PARN: variants seen among roughly 807,000 people sequenced by gnomAD.
The protein encoded by PARN is poly(A)-specific ribonuclease PARN.
Under a neutral mutation model 102.8 loss-of-function variants are expected in PARN, and 71 were observed. That is an observed-to-expected ratio of 0.69 (90% confidence interval 0.57 to 0.84). The LOEUF (loss-of-function observed/expected upper bound fraction) is 0.84, where lower values mean the gene tolerates loss of function less well. PARN is among the 40% of genes least tolerant of loss of function. The probability of loss-of-function intolerance (pLI) is 0.00; values close to 1 mark genes in which losing one functional copy is unlikely to be tolerated. For synonymous variants in PARN, 261 were observed against 252.9 expected (o/e 1.03, Z -0.30); for missense variants, 782 against 760.9 (o/e 1.03, Z -0.33).
At chr16:14,481,927 T>C (rs114531792) in intron 22 of PARN, among the ~76,000 whole-genome samples, 1,659 of 152,288 alleles carry the variant, frequency 0.011, 31 homozygotes, top group African/African-American at 0.038. Flanking sequence ...CTTTCTACAG[T>C]AGGCACCTGG....
intron 22 of PARN, among the ~76,000 whole-genome samples, chr16:14,469,004 C>A (rs768653532): frequency 5.3e-5 from 8 of 151,412 alleles, no homozygotes; most frequent in Non-Finnish European, 8.8e-5. Context: ...AAAAAAACGA[C>A]CTAAAAAAAC....
chr16:14,612,839 T>G (rs1157678008), intron 6 of PARN, among the ~76,000 whole-genome samples: 5 of 151,926 alleles, frequency 3.3e-5, no homozygotes, highest in African/African-American at 9.7e-5. Flanking sequence ...TCAGGTCATC[T>G]GCCCATCTCA....
chr16:14,538,268 G>GAGTGC (rs1401875141), intron 21 of PARN, among the ~76,000 whole-genome samples: 1 of 149,846 alleles, frequency 6.7e-6, no homozygotes, highest in East Asian at 1.9e-4. Flanking sequence ...GTCCAGGCTG[G>GAGTGC]AGTGCAGGGG....
In PARN at chr16:14,436,747, G is replaced by A; in HGVS notation, c.1890C>T (p.Ala630=). 1 of 1,598,728 alleles carries A rather than the reference G, an allele frequency of 6.3e-7. No individual in the cohort carries two copies. Among genetic ancestry groups the A allele is most frequent in the Non-Finnish European group, 8.5e-7 (1 of 1,172,756 alleles). The change falls in exon 24 of 24, where the codon GCC becomes GCT. Residue 630 remains alanine, a synonymous_variant. Transcript: ENST00000437198. The part of the protein sequence containing the change: ...PAGSISKNSP[A]TLFEVPDTW ...ATGTGTCAGGAACTTCAAAGAGTGT[G>A]GCAGGGCTGTTCTTCGAGATGCTTC... is the stretch of plus-strand genomic sequence containing the variant.
intron 23 of PARN, among the ~76,000 whole-genome samples, chr16:14,441,714 C>A (rs778903728): frequency 1.3e-5 from 2 of 152,244 alleles, no homozygotes; most frequent in African/African-American, 4.8e-5. Flanking sequence ...TCCTTCGCCA[C>A]GTTCACTGCA....
At chr16:14,602,207 G>C (rs1281494449) in intron 11 of PARN, 1 of 152,084 alleles carries the variant, frequency 6.6e-6, no homozygotes, top group Admixed American at 6.6e-5. Flanking sequence ...CCCCTACATG[G>C]GAGCTGACAT....
At chr16:14,451,842 CTAAAAAAAAAAAAAAAAAAAAAA>C (rs1961460589) in intron 22 of PARN, among the ~76,000 whole-genome samples, 1 of 46,258 alleles carries the variant, frequency 2.2e-5, no homozygotes, top group African/African-American at 8.1e-5. Flanking sequence ...AACCCCGTCT[CTAAAAAAAAAAAAAAAAAAAAAA>C]ATACAAAAAA....
chr16:14,475,423 C>T (rs1171365240), intron 22 of PARN, among the ~76,000 whole-genome samples: 4 of 152,188 alleles, frequency 2.6e-5, no homozygotes, highest in African/African-American at 9.6e-5. Context: ...TCAGATCCCA[C>T]ACCACCAAAC....
intron 18 of PARN, among the ~76,000 whole-genome samples, chr16:14,566,376 G>T (rs1291314820): frequency 6.6e-6 from 1 of 152,144 alleles, no homozygotes; most frequent in Non-Finnish European, 1.5e-5. Context: ...GAGTGATGTG[G>T]CCCTAAGCAG....
intron 21 of PARN, among the ~76,000 whole-genome samples, chr16:14,513,038 C>T (rs1229168799): frequency 6.6e-6 from 1 of 152,080 alleles, no homozygotes; most frequent in East Asian, 1.9e-4. Context: ...GATTCTCGTA[C>T]CTCAGCCTCC....
chr16:14,624,937 C>T (rs2151819890), intron 5 of PARN, among the ~76,000 whole-genome samples: 1 of 152,126 alleles, frequency 6.6e-6, no homozygotes, highest in East Asian at 1.9e-4. Context: ...GTAATAACAG[C>T]TACTCAGGAG....
intron 21 of PARN, among the ~76,000 whole-genome samples, chr16:14,521,821 G>A (rs1361776037): frequency 1.3e-5 from 2 of 151,608 alleles, no homozygotes; most frequent in African/African-American, 4.8e-5. Context: ...AAAAATACAC[G>A]TAACCACCAC....
chr16:14,553,126 GA>G (rs1455023940), intron 20 of PARN, among the ~76,000 whole-genome samples: 2 of 149,966 alleles, frequency 1.3e-5, no homozygotes, highest in Non-Finnish European at 3.0e-5. Flanking sequence ...AAAAAGATAA[GA>G]AAAAAATAGA....
At chr16:14,571,253 G>A (rs1447063501) in intron 18 of PARN, among the ~76,000 whole-genome samples, 3 of 151,304 alleles carry the variant, frequency 2.0e-5, no homozygotes, top group Non-Finnish European at 1.5e-5. Flanking sequence ...GAGTGGTGGC[G>A]GGCACCTGTA....
At chr16:14,604,002 C>T in intron 11 of PARN, 144 bp downstream of exon 11, 1 of 691,284 alleles carries the variant, frequency 1.4e-6, no homozygotes, top group East Asian at 2.7e-5. Context: ...TTATTCTAGT[C>T]CAGGTTTTTC....
intron 21 of PARN, among the ~76,000 whole-genome samples, chr16:14,498,748 G>T (rs1964442632): frequency 6.6e-6 from 1 of 152,196 alleles, no homozygotes; most frequent in South Asian, 2.1e-4. Context: ...GTTGCCTTGG[G>T]ACGATGAAAT....
intron 22 of PARN, among the ~76,000 whole-genome samples, chr16:14,462,075 G>A (rs937315613): frequency 6.6e-6 from 1 of 152,152 alleles, no homozygotes; most frequent in African/African-American, 2.4e-5. Context: ...TTGGGGGACT[G>A]GTGTTATTTA....
chr16:14,576,812 G>A (rs1023029509), intron 18 of PARN, among the ~76,000 whole-genome samples: 1 of 152,124 alleles, frequency 6.6e-6, no homozygotes, highest in African/African-American at 2.4e-5. Context: ...GAGGTGCCCA[G>A]GCCATGAAAA....
intron 22 of PARN, among the ~76,000 whole-genome samples, chr16:14,449,642 C>A (rs1311787148): frequency 6.6e-6 from 1 of 152,008 alleles, no homozygotes; most frequent in African/African-American, 2.4e-5. Flanking sequence ...ATAACTCAAA[C>A]TTGAAGAGAA....
Sources: allele counts gnomAD v4.1 joint callset (sites outside exome capture counted in the v4.1 genomes callset), GRCh38; gene constraint gnomAD v4.1.1; transcripts MANE v1.5; gene names NCBI Gene and HGNC (gene_info 2026-07-23, HGNC 2026-07-21).